Variants in FREM1 observed in about 807,000 individuals in gnomAD.
The protein encoded by FREM1 is FRAS1-related extracellular matrix protein 1.
Under a neutral mutation model 210.1 loss-of-function variants are expected in FREM1, and 220 were observed. That is an observed-to-expected ratio of 1.05 (90% CI 0.94 to 1.17). The LOEUF is 1.17. Ranked by LOEUF, FREM1 falls within the 50% of genes most tolerant of loss-of-function variation. FREM1 has a pLI of 0.00. For synonymous variants in FREM1, 1,189 were observed against 980.2 expected, an observed-to-expected ratio of 1.21 and a Z score of -3.98; for missense variants, 3,454 against 2,675.5, an observed-to-expected ratio of 1.29 and a Z score of -6.42.
intron 1 of FREM1, among the ~76,000 whole-genome samples, chr9:14,884,980 A>G (rs1381671344): frequency 8.9e-6 from 1 of 112,486 alleles, no homozygotes; most frequent in Non-Finnish European, 1.6e-5. Flanking sequence ...GCTGGAGTGC[A>G]GTGGTGCGAT....
chr9:14,863,358 G>T (rs1329303975), intron 3 of FREM1, among the ~76,000 whole-genome samples: 1 of 147,264 alleles, frequency 6.8e-6, no homozygotes, highest in African/African-American at 2.5e-5. Context: ...AAAAAAAAAA[G>T]GAATTTTAAA....
rs191520905 is a variant in FREM1 at position 14,851,502 on chromosome 9, G to A, written c.934C>T (p.Leu312=). The A allele has an allele frequency of 1.9e-6, 3 of 1,613,936 alleles. No homozygotes were observed. The highest frequency in any genetic ancestry group is 1.6e-4 in the Middle Eastern group (1 of 6,062). Residue 312 remains leucine (L), a synonymous_variant, in exon 6 of 37, where the codon CTG becomes TTG. Transcript: ENST00000380880. The part of the protein sequence containing the change: ...VFILEVDQFI[L]TSLTTSVLDC... ...AGAACTGATGTAGTCAAGGAGGTCA[G>A]GATGAACTGATCCACTTCCAGAATA...
chr9:14,833,440 T>C (rs1247669282), intron 10 of FREM1, among the ~76,000 whole-genome samples: 23 of 152,188 alleles, frequency 1.5e-4, no homozygotes, highest in Admixed American at 1.5e-3. Context: ...GCTTAGGGGC[T>C]AAAAATAAAA....
intron 3 of FREM1, among the ~76,000 whole-genome samples, chr9:14,862,719 A>G (rs1418153909): frequency 1.3e-5 from 2 of 152,136 alleles, no homozygotes; most frequent in Non-Finnish European, 2.9e-5. Flanking sequence ...ATTTCATACA[A>G]ATGGAACAAT....
chr9:14,834,729 A>G (rs1204656923), intron 10 of FREM1, among the ~76,000 whole-genome samples: 2 of 152,178 alleles, frequency 1.3e-5, no homozygotes, highest in African/African-American at 4.8e-5. Context: ...AGATTGCCAA[A>G]ATGATGTCCA....
At chr9:14,813,872 A>C (rs1168893238) in intron 15 of FREM1, among the ~76,000 whole-genome samples, 1 of 152,146 alleles carries the variant, frequency 6.6e-6, no homozygotes, top group Non-Finnish European at 1.5e-5. Context: ...CTTCTTCCCT[A>C]ATGCTCAGCC....
intron 1 of FREM1, among the ~76,000 whole-genome samples, chr9:14,872,136 G>C (rs1832789267): frequency 6.6e-6 from 1 of 152,162 alleles, no homozygotes; most frequent in Admixed American, 6.6e-5. Context: ...GCTTAGGATT[G>C]ACTTGGCAAT....
At chr9:14,872,776 G>C (rs919350516) in intron 1 of FREM1, among the ~76,000 whole-genome samples, 2 of 151,628 alleles carry the variant, frequency 1.3e-5, no homozygotes, top group Non-Finnish European at 2.9e-5. Flanking sequence ...TCCAGTTTTT[G>C]CCCATTCAGT....
Position 14,750,765 on chromosome 9 carries a change from A to C in FREM1, c.5408-489T>G, listed in dbSNP as rs1329491073. Among the ~76,000 whole-genome samples, 37 of 152,102 alleles carry C rather than the reference A, an allele frequency of 2.4e-4. 1 individual carries two copies. The highest frequency in any genetic ancestry group is 2.4e-3 in the Admixed American group (37 of 15,264). On this transcript the variant is annotated intron_variant, in intron 29 of 36. Coordinates refer to ENST00000380880, the MANE Select transcript of FREM1 (RefSeq NM_001379081.2). ...GACAGCTGCCTGCATCGGCTTCCCC[A>C]CTTCCTGAGATCTTTCTAGCCCACA... is the stretch of plus-strand genomic sequence containing the variant.
chr9:14,824,694 G>C (rs1822010157), intron 11 of FREM1, 102 bp downstream of exon 11: 2 of 771,012 alleles, frequency 2.6e-6, no homozygotes, highest in Admixed American at 2.9e-5. Flanking sequence ...GACCAATGGA[G>C]CAAGTAAACC....
Position 14,869,025 on chromosome 9 carries a change from C to A in FREM1, c.-48G>T. On this transcript the variant is annotated 5_prime_UTR_variant, in exon 2 of 37. Coordinates refer to ENST00000380880, the MANE Select transcript of FREM1 (RefSeq NM_001379081.2). Reference sequence around the variant, plus strand: ...CTGTCCACCGGCGAAATCCCTTTAACAAAGGAGGGCTTCTGTGCTTCCTCC... The same window carrying A: ...CTGTCCACCGGCGAAATCCCTTTAAAAAAGGAGGGCTTCTGTGCTTCCTCC... 1 of 1,327,144 alleles carries A rather than the reference C, an allele frequency of 7.5e-7. No homozygotes were observed. The highest frequency in any genetic ancestry group is 1.0e-6 in the Non-Finnish European group (1 of 974,804). 82.2% of individuals were successfully genotyped at this position (1,327,144 alleles called of 1,614,324 possible).
At chr9:14,841,617 T>C (rs774450228) in intron 9 of FREM1, 28 bp from the exon 10 acceptor site, 1 of 1,530,740 alleles carries the variant, frequency 6.5e-7, no homozygotes, top group Non-Finnish European at 8.8e-7. Flanking sequence ...CACCACATAC[T>C]TTTGTACAAG....
intron 3 of FREM1, among the ~76,000 whole-genome samples, chr9:14,863,336 G>A (rs1305869613): frequency 8.6e-6 from 1 of 116,292 alleles, no homozygotes; most frequent in East Asian, 2.3e-4. Flanking sequence ...GCAAGACTCC[G>A]TCTCAAAAAA....
intron 18 of FREM1, 120 bp downstream of exon 18, chr9:14,806,541 A>G (rs1029170898): frequency 1.5e-6 from 1 of 669,018 alleles, no homozygotes; most frequent in Non-Finnish European, 2.6e-6. Context: ...GGCATCAGCC[A>G]CCACGCCCGG....
chr9:14,789,331 A>G (rs1468850491), intron 22 of FREM1, among the ~76,000 whole-genome samples: 1 of 152,184 alleles, frequency 6.6e-6, no homozygotes, highest in Non-Finnish European at 1.5e-5. Flanking sequence ...CTTCAACCAA[A>G]GGGTTTCAGA....
intron 5 of FREM1, among the ~76,000 whole-genome samples, chr9:14,852,457 G>C (rs979686818): frequency 6.6e-6 from 1 of 152,190 alleles, no homozygotes; most frequent in Non-Finnish European, 1.5e-5. Flanking sequence ...GGAGGCCGAG[G>C]TGGGAGGATT....
chr9:14,815,461 C>G (rs1405134490), intron 15 of FREM1, among the ~76,000 whole-genome samples: 1 of 152,114 alleles, frequency 6.6e-6, no homozygotes, highest in African/African-American at 2.4e-5. Context: ...AAAATTCCAA[C>G]AGAAAGAAAA....
At chr9:14,764,255 T>A (rs1268695988) in intron 27 of FREM1, among the ~76,000 whole-genome samples, 1 of 152,208 alleles carries the variant, frequency 6.6e-6, no homozygotes, top group African/African-American at 2.4e-5. Flanking sequence ...AACTATGAGT[T>A]CATTAAACCT....
intron 1 of FREM1, among the ~76,000 whole-genome samples, chr9:14,892,467 G>A (rs1265533874): frequency 6.6e-6 from 1 of 152,122 alleles, no homozygotes; most frequent in Non-Finnish European, 1.5e-5. Context: ...TTGGGTTTGA[G>A]ACCCAACTTA....
Sources: allele counts gnomAD v4.1 joint callset (sites outside exome capture counted in the v4.1 genomes callset), GRCh38; gene constraint gnomAD v4.1.1; transcripts MANE v1.5; gene names NCBI Gene and HGNC (gene_info 2026-07-23, HGNC 2026-07-21).